LRBA: variants seen among roughly 807,000 people sequenced by gnomAD.
The protein encoded by LRBA is lipopolysaccharide-responsive and beige-like anchor protein.
In LRBA, 176 loss-of-function variants were observed where a neutral mutation model predicts 330.0. That is an observed-to-expected ratio of 0.53 (90% CI 0.47 to 0.60). LRBA has a LOEUF of 0.60. Ranked by LOEUF, LRBA falls within the 20% of genes least tolerant of loss-of-function variation. LRBA has a pLI of 0.00. For missense variants in LRBA, 3,259 were observed against 3,444.8 expected (o/e 0.95, Z 1.35); for synonymous variants, 1,230 against 1,193.0 (o/e 1.03, Z -0.64).
intron 2 of LRBA, among the ~76,000 whole-genome samples, chr4:150,931,152 A>T (rs562725155): frequency 1.4e-3 from 211 of 152,250 alleles, no homozygotes; most frequent in Non-Finnish European, 2.5e-3. Context: ...ATAATTTCGA[A>T]CATTCAAAAA....
intron 34 of LRBA, among the ~76,000 whole-genome samples, chr4:150,792,028 CAAAAAAAAA>C (rs11389573): frequency 8.6e-5 from 4 of 46,328 alleles, no homozygotes; most frequent in African/African-American, 3.0e-4. Context: ...GGCTCCATCT[CAAAAAAAAA>C]AAAAAAAAAA....
chr4:150,320,794 A>G (rs974376785), intron 50 of LRBA, among the ~76,000 whole-genome samples: 3 of 152,166 alleles, frequency 2.0e-5, no homozygotes, highest in African/African-American at 7.2e-5. Context: ...GTGACAGAGC[A>G]AGGCCTTGTC....
At chr4:150,655,005 C>T (rs1476194403) in intron 37 of LRBA, among the ~76,000 whole-genome samples, 4 of 152,010 alleles carry the variant, frequency 2.6e-5, no homozygotes, top group East Asian at 1.9e-4. Context: ...AATAAACATA[C>T]GTGTGCATGT....
At chr4:150,871,583 A>C (rs1259137244) in intron 18 of LRBA, 130 bp from the exon 19 acceptor site, 9 of 569,462 alleles carry the variant, frequency 1.6e-5, no homozygotes, top group Non-Finnish European at 2.6e-5. Flanking sequence ...TTACTCTCCC[A>C]ACTATCTTCA....
intron 2 of LRBA, among the ~76,000 whole-genome samples, chr4:150,941,814 G>A (rs1427569185): frequency 6.6e-6 from 1 of 151,834 alleles, no homozygotes; most frequent in African/African-American, 2.4e-5. Context: ...TTGAGCCTGG[G>A]AGGCGGAGGT....
At chr4:150,840,927 T>C in intron 28 of LRBA, 1 of 1,114,324 alleles carries the variant, frequency 9.0e-7, no homozygotes. Flanking sequence ...TATAATCAGT[T>C]TCAGAAAAAT....
At chr4:150,388,800 T>C (rs1267714954) in intron 47 of LRBA, among the ~76,000 whole-genome samples, 1 of 152,132 alleles carries the variant, frequency 6.6e-6, no homozygotes, top group East Asian at 1.9e-4. Flanking sequence ...GTCAATAGGG[T>C]AGTCACTAGC....
At chr4:150,871,042 G>A (rs1484541864) in intron 19 of LRBA, among the ~76,000 whole-genome samples, 5 of 151,924 alleles carry the variant, frequency 3.3e-5, no homozygotes, top group Non-Finnish European at 7.4e-5. Flanking sequence ...TCAGGAGTTC[G>A]AGACCAGCCT....
At chr4:150,895,555 T>C (rs1218339196) in intron 16 of LRBA, among the ~76,000 whole-genome samples, 1 of 152,184 alleles carries the variant, frequency 6.6e-6, no homozygotes, top group Non-Finnish European at 1.5e-5. Context: ...GTCCTTGCAA[T>C]AGTTTGCTGA....
intron 2 of LRBA, among the ~76,000 whole-genome samples, chr4:150,938,133 C>T (rs756833645): frequency 1.3e-5 from 2 of 150,012 alleles, no homozygotes. Context: ...TAACTAGATA[C>T]TTTCTTGTGA....
At chr4:150,611,481 T>C (rs1775255636) in intron 37 of LRBA, among the ~76,000 whole-genome samples, 1 of 152,184 alleles carries the variant, frequency 6.6e-6, no homozygotes, top group Non-Finnish European at 1.5e-5. Context: ...TGACAGTTCA[T>C]TATATTGGTA....
intron 46 of LRBA, among the ~76,000 whole-genome samples, chr4:150,433,119 T>C (rs908926345): frequency 1.3e-5 from 2 of 152,144 alleles, no homozygotes; most frequent in African/African-American, 2.4e-5. Context: ...CCAAACATAA[T>C]GAAACATATT....
chr4:150,659,215 C>G (rs1453380320), intron 37 of LRBA, among the ~76,000 whole-genome samples: 1 of 89,318 alleles, frequency 1.1e-5, no homozygotes, highest in African/African-American at 3.8e-5. Flanking sequence ...GCCTGGCTGC[C>G]CAGTCTGGAA....
At chr4:150,588,236 A>C in intron 39 of LRBA, 52 bp from the exon 40 acceptor site, 2 of 1,535,910 alleles carry the variant, frequency 1.3e-6, no homozygotes, top group African/African-American at 2.8e-5. Context: ...TTTTTCAAAA[A>C]ATCAAATTCG....
At chr4:150,322,032 T>C (rs1297854300) in intron 49 of LRBA, among the ~76,000 whole-genome samples, 1 of 152,200 alleles carries the variant, frequency 6.6e-6, no homozygotes, top group Non-Finnish European at 1.5e-5. Context: ...ATTTATATAG[T>C]GTACCAAATC....
At chr4:150,715,238 C>A (rs1037849527) in intron 36 of LRBA, among the ~76,000 whole-genome samples, 1 of 152,092 alleles carries the variant, frequency 6.6e-6, no homozygotes, top group Non-Finnish European at 1.5e-5. Context: ...TATAAATACC[C>A]ACCCCAACCT....
At chr4:150,560,548 C>T (rs927370701) in intron 40 of LRBA, among the ~76,000 whole-genome samples, 1 of 152,120 alleles carries the variant, frequency 6.6e-6, no homozygotes, top group African/African-American at 2.4e-5. Context: ...ATACCACTGG[C>T]GAATCATTCA....
At chr4:150,442,562 G>A (rs897973803) in intron 44 of LRBA, among the ~76,000 whole-genome samples, 1 of 152,122 alleles carries the variant, frequency 6.6e-6, no homozygotes, top group African/African-American at 2.4e-5. Flanking sequence ...ATTTCGTGAT[G>A]ACAGATAAAG....
In LRBA at chr4:150,265,388, A is replaced by AGAT. The variant is rs1431914467; in HGVS notation, c.*331_*333dup. On this transcript the variant is annotated 3_prime_UTR_variant, in exon 57 of 57. Coordinates refer to ENST00000651943, the MANE Select transcript of LRBA (RefSeq NM_001364905.1). ...TGAAAATCCTATTTCTCAAGCTTGT[A>AGAT]GATGCATGGGAAATGTTCTTCATAA... 4 of 182,966 alleles carry AGAT rather than the reference A, an allele frequency of 2.2e-5. No individual in the cohort carries two copies. The East Asian group carries it at 3.9e-4, about 18-fold the overall frequency. 11.3% of individuals were successfully genotyped at this position (182,966 alleles called of 1,614,324 possible). A position where few individuals can be genotyped will look rare whatever the true frequency, so the allele number is the denominator to read the frequency against.
Sources: gnomAD v4.1 joint callset for allele counts (sites outside exome capture counted in the v4.1 genomes callset) on GRCh38, gnomAD v4.1.1 for gene constraint, MANE v1.5 for transcripts, NCBI Gene and HGNC (gene_info 2026-07-23, HGNC 2026-07-21) for gene names.